The following ZC3H7A variants were observed in gnomAD, a reference collection of about 807,000 sequenced individuals.
The protein encoded by ZC3H7A is zinc finger CCCH-type containing 7A, also known as zinc finger CCCH domain-containing protein 7A.
In ZC3H7A, 44 loss-of-function variants were observed where a neutral mutation model predicts 125.5. The observed-to-expected ratio is 0.35, with a 90% CI of 0.28 to 0.45. The LOEUF is 0.45. Among genes scored for constraint, ZC3H7A ranks in the 20% least tolerant of loss-of-function variants. The probability of loss-of-function intolerance (pLI) is 1.00; values close to 1 mark genes in which losing one functional copy is unlikely to be tolerated. For missense variants in ZC3H7A, 977 were observed against 1,170.7 expected (o/e 0.83, Z 2.41); for synonymous variants, 399 against 391.2 (o/e 1.02, Z -0.23).
chr16:11,786,315 A>C (rs1567394090), intron 1 of ZC3H7A, among the ~76,000 whole-genome samples: 1 of 152,168 alleles, frequency 6.6e-6, no homozygotes, highest in African/African-American at 2.4e-5. Context: ...GGAGGGAACA[A>C]AAGAAAAGGA....
intron 1 of ZC3H7A, among the ~76,000 whole-genome samples, chr16:11,792,349 A>G (rs909226725): frequency 6.6e-6 from 1 of 152,250 alleles, no homozygotes; most frequent in African/African-American, 2.4e-5. Flanking sequence ...TCTTGAAGTT[A>G]TGTAAGATCT....
chr16:11,754,400 A>G (rs2052603496), intron 21 of ZC3H7A, among the ~76,000 whole-genome samples: 1 of 151,432 alleles, frequency 6.6e-6, no homozygotes, highest in Non-Finnish European at 1.5e-5. Flanking sequence ...TGACAAAGGT[A>G]AACATTCACA....
chr16:11,755,214 A>G (rs544222341), intron 21 of ZC3H7A, among the ~76,000 whole-genome samples: 1 of 151,982 alleles, frequency 6.6e-6, no homozygotes, highest in African/African-American at 2.4e-5. Flanking sequence ...CATCTCAAAA[A>G]AAAAAAAAAA....
At chr16:11,791,287 CTT>C (rs1220418594) in intron 1 of ZC3H7A, among the ~76,000 whole-genome samples, 2 of 151,974 alleles carry the variant, frequency 1.3e-5, no homozygotes, top group Non-Finnish European at 2.9e-5. Context: ...TCACACTGAC[CTT>C]TTAAGAGCTC....
At chr16:11,796,034 T>C (rs568934469) in intron 1 of ZC3H7A, among the ~76,000 whole-genome samples, 1 of 152,248 alleles carries the variant, frequency 6.6e-6, no homozygotes, top group East Asian at 1.9e-4. Flanking sequence ...GGTCTCACTA[T>C]GTTGCTGAGG....
chr16:11,767,674 A>G (rs1346324659), intron 12 of ZC3H7A, 96 bp from the exon 13 acceptor site: 18 of 1,220,516 alleles, frequency 1.5e-5, no homozygotes, highest in Non-Finnish European at 2.0e-5. Flanking sequence ...ATGAACATCA[A>G]TTATTAAATT....
chr16:11,776,299 T>C, intron 7 of ZC3H7A, 21 bp downstream of exon 7: 2 of 1,590,192 alleles, frequency 1.3e-6, no homozygotes, highest in Non-Finnish European at 1.7e-6. Flanking sequence ...AATATAATTT[T>C]GACAGAAAAA....
chr16:11,782,512 C>A, intron 1 of ZC3H7A, 124 bp from the exon 2 acceptor site: 1 of 800,912 alleles, frequency 1.2e-6, no homozygotes, highest in Non-Finnish European at 2.0e-6. Context: ...TGACTTGACT[C>A]CAGGGTCCTG....
chr16:11,756,407 A>G, intron 20 of ZC3H7A, 37 bp from the exon 21 acceptor site: 1 of 1,602,900 alleles, frequency 6.2e-7, no homozygotes. Flanking sequence ...AGCAGCAACT[A>G]AACTCCATTT....
intron 6 of ZC3H7A, 28 bp downstream of exon 6, chr16:11,776,424 A>T (rs969318868): frequency 3.7e-6 from 6 of 1,600,666 alleles, no homozygotes; most frequent in Non-Finnish European, 4.2e-6. Flanking sequence ...CAAAATGAAA[A>T]CACCTTATGC....
chr16:11,792,394 T>C lies in ZC3H7A; in HGVS notation c.-35+4730A>G, dbSNP rs2053368965. Among the ~76,000 whole-genome samples, 3 of 152,222 alleles carry C rather than the reference T, an allele frequency of 2.0e-5. No homozygotes were observed. In the South Asian group the frequency reaches 6.2e-4, roughly 31 times the overall value. On this transcript the variant is annotated intron_variant, in intron 1 of 22. Transcript: ENST00000355758. ...CTGGATCTTCAGAACTCCCTTACTA[T>C]TTACTCAGTGCCTGGTAGGTTAAAC...
chr16:11,757,003 T>G (rs2052660762), intron 20 of ZC3H7A, among the ~76,000 whole-genome samples: 1 of 151,104 alleles, frequency 6.6e-6, no homozygotes, highest in Admixed American at 6.6e-5. Flanking sequence ...AAAGCTGAGG[T>G]TTCTCAGCCT....
At chr16:11,787,257 C>T (rs750271092) in intron 1 of ZC3H7A, among the ~76,000 whole-genome samples, 6 of 152,086 alleles carry the variant, frequency 3.9e-5, no homozygotes, top group Admixed American at 6.6e-5. Flanking sequence ...AGCTGCTGAC[C>T]GCGCCACTAC....
At chr16:11,760,958 T>C (rs2052743092) in intron 19 of ZC3H7A, among the ~76,000 whole-genome samples, 1 of 152,200 alleles carries the variant, frequency 6.6e-6, no homozygotes, top group East Asian at 1.9e-4. Flanking sequence ...GAAAGTCTTA[T>C]AAAGTTAGGT....
In ZC3H7A at chr16:11,779,277, C is replaced by G; in HGVS notation, c.195G>C (p.Gln65His). ...CAGCTATATTCAAGGCTTCCGTGTA[C>G]TGGCTTATCGAGTTGTTCCAATCAT... ...REHDWNNSIS[Q>H]YTEALNIADY... Residue 65 changes from glutamine (Q) to histidine (H), a missense_variant, in exon 4 of 23, where the codon CAG (glutamine) becomes CAC (histidine). Around this residue, in one of 3 missense-constraint regions of ZC3H7A, gnomAD observed 199 missense variants for 256.1 expected, o/e 0.78. Coordinates refer to ENST00000355758, the MANE Select transcript of ZC3H7A (RefSeq NM_014153.4). The G allele has an allele frequency of 6.2e-7, 1 of 1,614,058 alleles. No homozygotes were observed. Among genetic ancestry groups the G allele is most frequent in the Non-Finnish European group, 8.5e-7 (1 of 1,180,004 alleles).
At chr16:11,780,230 C>A (rs993487566) in intron 3 of ZC3H7A, among the ~76,000 whole-genome samples, 1 of 151,488 alleles carries the variant, frequency 6.6e-6, no homozygotes, top group Admixed American at 6.6e-5. Flanking sequence ...AAGTGATTCT[C>A]GTGTCTTAGC....
chr16:11,780,809 AAG>A (rs1268128067), intron 3 of ZC3H7A, among the ~76,000 whole-genome samples: 1 of 152,194 alleles, frequency 6.6e-6, no homozygotes, highest in Non-Finnish European at 1.5e-5. Context: ...TAGTAGAGAC[AAG>A]AGTCTGCAGT....
chr16:11,786,412 T>G (rs1272186167), intron 1 of ZC3H7A, among the ~76,000 whole-genome samples: 1 of 152,010 alleles, frequency 6.6e-6, no homozygotes, highest in Non-Finnish European at 1.5e-5. Context: ...GGGAATTGGT[T>G]TGAGGTTGAC....
rs75778263 is a variant in ZC3H7A at position 11,757,858 on chromosome 16, C to T, written c.2428+573G>A. ...AATCCAGAGACTGCAGTCAGTATAC[C>T]TTTCATCAGTTTACTTAAGATTAAA... On this transcript the variant is annotated intron_variant, in intron 20 of 22. Coordinates refer to ENST00000355758, the MANE Select transcript of ZC3H7A (RefSeq NM_014153.4). 4.2e-3 allele frequency among the ~76,000 whole-genome samples: 638 copies of T among 152,304 alleles called. 7 individuals carry two copies. Among genetic ancestry groups the T allele is most frequent in the African/African-American group, 0.015 (614 of 41,560 alleles).
Sources: gnomAD v4.1 joint callset for allele counts (sites outside exome capture counted in the v4.1 genomes callset) on GRCh38, gnomAD v4.1.1 for gene constraint, gnomAD v4.1.1 regional missense constraint, MANE v1.5 for transcripts, NCBI Gene and HGNC (gene_info 2026-07-23, HGNC 2026-07-21) for gene names.